The following NTM variants were observed in gnomAD, a reference collection of about 807,000 sequenced individuals.
The protein encoded by NTM is IgLON family member 2.
In NTM, 13 loss-of-function variants were observed where a neutral mutation model predicts 42.1. The observed-to-expected ratio is 0.31, with a 90% CI of 0.20 to 0.49. NTM has a LOEUF of 0.49. Ranked by LOEUF, NTM falls within the 20% of genes least tolerant of loss-of-function variation. NTM has a pLI of 0.99. For missense variants in NTM, 373 were observed against 452.8 expected (o/e 0.82, Z 1.60); for synonymous variants, 187 against 179.2 (o/e 1.04, Z -0.35).
At chr11:131,945,780 T>G (rs1333762435) in intron 2 of NTM, among the ~76,000 whole-genome samples, 1 of 152,202 alleles carries the variant, frequency 6.6e-6, no homozygotes, top group African/African-American at 2.4e-5. Context: ...AAAGTCTCAC[T>G]TAGAAGAGTG....
At chr11:131,591,412 C>T (rs571500529) in intron 1 of NTM, among the ~76,000 whole-genome samples, 7 of 152,310 alleles carry the variant, frequency 4.6e-5, no homozygotes, top group East Asian at 1.9e-4. Flanking sequence ...GCTGACAGTC[C>T]ATGGAGCTGA....
At chr11:131,777,434 T>C (rs941064721) in intron 1 of NTM, among the ~76,000 whole-genome samples, 1 of 136,188 alleles carries the variant, frequency 7.3e-6, no homozygotes, top group African/African-American at 2.8e-5. Flanking sequence ...TATGAGTACA[T>C]CCCCCCCACC....
intron 2 of NTM, among the ~76,000 whole-genome samples, chr11:132,134,501 CA>C (rs1325293231): frequency 6.6e-6 from 1 of 151,162 alleles, no homozygotes; most frequent in Admixed American, 6.6e-5. Context: ...CCTGAGGCCC[CA>C]AAAAACAATG....
chr11:131,594,323 A>G (rs1247658178), intron 1 of NTM, among the ~76,000 whole-genome samples: 2 of 152,180 alleles, frequency 1.3e-5, no homozygotes, highest in Non-Finnish European at 2.9e-5. Flanking sequence ...GTATATTAGG[A>G]GTTGGTTCTC....
At chr11:132,297,335 A>G (rs573968127) in intron 4 of NTM, among the ~76,000 whole-genome samples, 21 of 152,270 alleles carry the variant, frequency 1.4e-4, no homozygotes, top group African/African-American at 4.8e-4. Context: ...TCACTAATAA[A>G]TGGGATTCTT....
intron 1 of NTM, among the ~76,000 whole-genome samples, chr11:131,906,850 C>A (rs1252885027): frequency 2.6e-5 from 4 of 152,170 alleles, no homozygotes; most frequent in Admixed American, 6.5e-5. Context: ...TCAAGTTGCA[C>A]CTTTGCTCTT....
chr11:131,983,052 A>ATT lies in NTM; in HGVS notation c.167+71418_167+71419dup, dbSNP rs11418861. 8.2e-3 allele frequency among the ~76,000 whole-genome samples: 1,188 copies of ATT among 145,412 alleles called. 15 individuals are homozygous for ATT. The highest frequency in any genetic ancestry group is 0.026 in the African/African-American group (1,037 of 39,686). ...TTCCTTAGCTACTCAAAGGAAAATG[A>ATT]TTTTTTTTTTTTTTTAGTCATACTA... On this transcript the variant is annotated intron_variant, in intron 2 of 8. Coordinates refer to ENST00000683400, the MANE Select transcript of NTM (RefSeq NM_001352005.2).
chr11:132,030,289 G>A (rs538255), intron 2 of NTM, among the ~76,000 whole-genome samples: 10,388 of 152,168 alleles, frequency 0.068, 473 homozygotes, highest in East Asian at 0.13. Flanking sequence ...TTTTATTTGT[G>A]TCTAAGCTAG....
chr11:131,731,769 C>G (rs1028560333), intron 1 of NTM, among the ~76,000 whole-genome samples: 1 of 152,158 alleles, frequency 6.6e-6, no homozygotes, highest in Admixed American at 6.5e-5. Flanking sequence ...CACCAAAATC[C>G]GTTTACAGGA....
At chr11:132,244,802 G>A (rs2090828824) in intron 4 of NTM, among the ~76,000 whole-genome samples, 1 of 152,174 alleles carries the variant, frequency 6.6e-6, no homozygotes, top group Admixed American at 6.5e-5. Flanking sequence ...GGAGCCCCCA[G>A]TTCCCCCAGC....
intron 1 of NTM, among the ~76,000 whole-genome samples, chr11:131,765,322 G>A (rs2084928066): frequency 6.6e-6 from 1 of 152,024 alleles, no homozygotes; most frequent in South Asian, 2.1e-4. Context: ...TTTGACTTCT[G>A]CATATCAAAC....
chr11:131,381,691 C>A (rs921985063), intron 1 of NTM, among the ~76,000 whole-genome samples: 1 of 152,184 alleles, frequency 6.6e-6, no homozygotes, highest in African/African-American at 2.4e-5. Flanking sequence ...GGCAACAATG[C>A]CATCTGAACT....
At chr11:131,645,271 A>G (rs2134269028) in intron 1 of NTM, among the ~76,000 whole-genome samples, 1 of 152,316 alleles carries the variant, frequency 6.6e-6, no homozygotes, top group Non-Finnish European at 1.5e-5. Flanking sequence ...AAATCGTATG[A>G]GGCTGCTGCT....
At chr11:131,372,165 G>GA (rs1941301328) in intron 1 of NTM, among the ~76,000 whole-genome samples, 1 of 152,130 alleles carries the variant, frequency 6.6e-6, no homozygotes, top group African/African-American at 2.4e-5. Context: ...TGGGCAGAGA[G>GA]ACCAGGCTGG....
chr11:131,812,361 C>A (rs1215531359), intron 1 of NTM, among the ~76,000 whole-genome samples: 1 of 152,124 alleles, frequency 6.6e-6, no homozygotes, highest in African/African-American at 2.4e-5. Context: ...TTTGGATCAC[C>A]TCCAGTTAAG....
At chr11:132,001,308 T>C (rs2069180787) in intron 2 of NTM, among the ~76,000 whole-genome samples, 1 of 152,198 alleles carries the variant, frequency 6.6e-6, no homozygotes, top group African/African-American at 2.4e-5. Flanking sequence ...GGATAAGAAA[T>C]TTTCTTGTAT....
At chr11:132,297,689 A>T (rs747306268) in intron 4 of NTM, among the ~76,000 whole-genome samples, 12 of 152,152 alleles carry the variant, frequency 7.9e-5, no homozygotes, top group Non-Finnish European at 1.2e-4. Context: ...GCCTATCATC[A>T]TCTACATTTT....
At chr11:131,522,761 C>A (rs1450041173) in intron 1 of NTM, among the ~76,000 whole-genome samples, 1 of 152,198 alleles carries the variant, frequency 6.6e-6, no homozygotes, top group Non-Finnish European at 1.5e-5. Context: ...GATTATAGAG[C>A]AGCAAGCATG....
chr11:132,272,334 T>A (rs900987228), intron 4 of NTM, among the ~76,000 whole-genome samples: 2 of 152,164 alleles, frequency 1.3e-5, no homozygotes, highest in African/African-American at 2.4e-5. Flanking sequence ...TTGTTCTTTG[T>A]TTTCAATATT....
Sources: gnomAD v4.1 joint callset for allele counts (sites outside exome capture counted in the v4.1 genomes callset) on GRCh38, gnomAD v4.1.1 for gene constraint, MANE v1.5 for transcripts, NCBI Gene and HGNC (gene_info 2026-07-23, HGNC 2026-07-21) for gene names.